ADAR: variants seen among roughly 807,000 people sequenced by gnomAD.
The protein encoded by ADAR is adenosine deaminase RNA specific.
Under a neutral mutation model 113.2 loss-of-function variants are expected in ADAR, and 41 were observed. The ratio of observed to expected loss-of-function variants is 0.36; its 90% CI spans 0.28 to 0.47. ADAR has a LOEUF of 0.47. Among genes scored for constraint, ADAR ranks in the 20% least tolerant of loss-of-function variants. ADAR has a pLI of 1.00. For missense variants in ADAR, 1,242 were observed against 1,540.9 expected (o/e 0.81, Z 3.25); for synonymous variants, 605 against 572.6 (o/e 1.06, Z -0.81).
chr1:154,589,402 T>A lies in ADAR; in HGVS notation c.2729A>T (p.His910Leu). Residue 910 changes from histidine (H) to leucine (L), a missense_variant, in exon 9 of 15, where the codon CAT becomes CTT. His to Leu is a moderately conservative substitution (Grantham distance 99, BLOSUM62 -3). This residue lies in a region of ADAR where 780 missense variants were observed against 1,057.9 expected (regional missense o/e 0.74). Coordinates refer to ENST00000368474, the MANE Select transcript of ADAR (RefSeq NM_001111.5). ...GCCTCTCCGGGAGATTATTTCTGCA[T>A]GGCAGTCATTGACAGTTTCTCCTTT... ...SLKGETVNDC[H>L]AEIISRRGFI... 6.2e-7 allele frequency: 1 copy of A among 1,614,224 alleles called. No individual in the cohort carries two copies. Among genetic ancestry groups the A allele is most frequent in the Non-Finnish European group, 8.5e-7 (1 of 1,180,024 alleles).
chr1:154,601,532 G>C lies in ADAR; in HGVS notation c.1110C>G (p.Asn370Lys), dbSNP rs1222101959. ...RERMQIKRNT[N>K]SVPETAPAAI... ...CAGCTGGAGCGGTTTCAGGAACACT[G>C]TTCGTATTTCTCTTGATTTGCATCC... Residue 370 changes from asparagine (N) to lysine (K), a missense_variant, in exon 2 of 15, where the codon AAC (asparagine) becomes AAG (lysine). Transcript: ENST00000368474. The surrounding 1 kb of genome is among the most constrained non-coding windows in gnomAD (Gnocchi z 4.7). 6.2e-7 allele frequency: 1 copy of C among 1,613,400 alleles called. No individual in the cohort carries two copies. The highest frequency in any genetic ancestry group is 1.1e-5 in the South Asian group (1 of 91,084).
At chr1:154,618,674 A>G (rs1475536065) in intron 1 of ADAR, among the ~76,000 whole-genome samples, 1 of 152,226 alleles carries the variant, frequency 6.6e-6, no homozygotes, top group Non-Finnish European at 1.5e-5. Context: ...GCAGTGAGAA[A>G]AAGCGTTATT....
intron 6 of ADAR, among the ~76,000 whole-genome samples, chr1:154,592,665 T>G (rs1452713724): frequency 6.6e-6 from 1 of 151,974 alleles, no homozygotes; most frequent in Non-Finnish European, 1.5e-5. Context: ...AGCCACTGGG[T>G]AGACAGTGGT....
In ADAR at chr1:154,589,744, G is replaced by A; in HGVS notation, c.2668+13C>T. ...GCGCCATGGGAGGCGGCATGTCTCA[G>A]AGCCTCACTCACCTGTTCCCAAGCT... is the stretch of plus-strand genomic sequence containing the variant. On this transcript the variant is annotated intron_variant, in intron 8 of 14. Transcript: ENST00000368474. 6.2e-7 allele frequency: 1 copy of A among 1,614,082 alleles called. No homozygotes were observed. The highest frequency in any genetic ancestry group is 8.5e-7 in the Non-Finnish European group (1 of 1,180,022).
rs886045339 is a variant in ADAR at position 154,588,224 on chromosome 1, T to C, written c.2920A>G (p.Lys974Glu). The change falls in exon 11 of 15, where the codon AAG (lysine) becomes GAG (glutamate). Residue 974 changes from lysine (K) to glutamate (E), a missense_variant. By Grantham distance (56) the Lys-to-Glu change is moderately conservative. Coordinates refer to ENST00000368474, the MANE Select transcript of ADAR (RefSeq NM_001111.5). ...TCCATAGCACGGTCGCTGCAGGACT[T>C]GTCAAAGAGGGCGCCATCTCCACAC... ...APCGDGALFD[K>E]SCSDRAMEST... The C allele has an allele frequency of 1.9e-6, 3 of 1,613,986 alleles. No individual in the cohort carries two copies. The highest frequency in any genetic ancestry group is 2.5e-6 in the Non-Finnish European group (3 of 1,180,026).
upstream of ADAR, among the ~76,000 whole-genome samples, chr1:154,610,654 C>G (rs762781779): frequency 2.2e-4 from 33 of 151,802 alleles, no homozygotes; most frequent in Non-Finnish European, 4.7e-4. Context: ...ACTAAAAGTA[C>G]AAAAAATTAG....
At chr1:154,621,749 G>A (rs1361257564) in intron 1 of ADAR, among the ~76,000 whole-genome samples, 1 of 152,186 alleles carries the variant, frequency 6.6e-6, no homozygotes, top group Non-Finnish European at 1.5e-5. Context: ...TAAGTACTCA[G>A]GCATTGCTGA....
At chr1:154,586,922 T>C (rs568335354) in intron 11 of ADAR, among the ~76,000 whole-genome samples, 2 of 152,040 alleles carry the variant, frequency 1.3e-5, no homozygotes, top group Non-Finnish European at 2.9e-5. Flanking sequence ...TGCTTGTATA[T>C]GCAGTGCAGT....
chr1:154,617,624 T>C (rs577029525), intron 1 of ADAR, among the ~76,000 whole-genome samples: 4 of 152,270 alleles, frequency 2.6e-5, no homozygotes, highest in Admixed American at 2.6e-4. Context: ...ACCATTACCA[T>C]TGTTATTTTC....
rs150322339 is a variant in ADAR at position 154,602,516 on chromosome 1, C to T, written c.126G>A (p.Lys42=). The change falls in exon 2 of 15, where the codon AAG becomes AAA. Residue 42 remains lysine, a synonymous_variant. Transcript: ENST00000368474. ...PGSSPSSFLL[K]QIEFLKGQLP... ...GCTGCCCCTTGAGAAATTCTATTTGCTTAAGCAGGAAACTACTGGGGGAAG... is the reference window on the plus strand; with the variant it reads ...GCTGCCCCTTGAGAAATTCTATTTGTTTAAGCAGGAAACTACTGGGGGAAG... 6.9e-5 allele frequency: 112 copies of T among 1,614,216 alleles called. No homozygotes were observed. Among genetic ancestry groups the T allele is most frequent in the African/African-American group, 6.3e-4 (47 of 75,074 alleles).
intron 8 of ADAR, 120 bp downstream of exon 8, chr1:154,589,637 G>A (rs1015424543): frequency 3.6e-5 from 48 of 1,327,036 alleles, no homozygotes; most frequent in Non-Finnish European, 5.0e-5. Context: ...TGAATTGACT[G>A]TAGCTAAAAT....
chr1:154,618,885 G>A (rs921702140), intron 1 of ADAR, among the ~76,000 whole-genome samples: 1 of 152,196 alleles, frequency 6.6e-6, no homozygotes, highest in African/African-American at 2.4e-5. Context: ...CGAGGCAGGT[G>A]GATCACCTGA....
At chr1:154,592,553 T>A (rs1180700840) in intron 6 of ADAR, among the ~76,000 whole-genome samples, 1 of 152,020 alleles carries the variant, frequency 6.6e-6, no homozygotes, top group African/African-American at 2.4e-5. Context: ...GAGGAAGGGA[T>A]TTGGGATAGA....
At chr1:154,589,975 T>G (rs1280413920) in intron 7 of ADAR, 47 bp from the exon 8 acceptor site, 1 of 1,609,368 alleles carries the variant, frequency 6.2e-7, no homozygotes, top group Non-Finnish European at 8.5e-7. Flanking sequence ...TGAGGCTGTG[T>G]CCACCATATT....
upstream of ADAR, among the ~76,000 whole-genome samples, chr1:154,610,881 G>C (rs569054315): frequency 1.9e-4 from 29 of 150,136 alleles, no homozygotes; most frequent in Admixed American, 3.3e-4. Context: ...AGAAAGGTGG[G>C]AGTTTTGACT....
intron 1 of ADAR, among the ~76,000 whole-genome samples, chr1:154,606,834 T>C (rs1166936602): frequency 6.6e-6 from 1 of 152,008 alleles, no homozygotes; most frequent in African/African-American, 2.4e-5. Flanking sequence ...CACTACCCCC[T>C]TTGCCTTTAC....
At chr1:154,616,801 T>C (rs1307129337) in intron 1 of ADAR, among the ~76,000 whole-genome samples, 1 of 152,230 alleles carries the variant, frequency 6.6e-6, no homozygotes, top group African/African-American at 2.4e-5. Context: ...GATAGATCTG[T>C]GTACCCAGAA....
rs1028621008 is a variant in ADAR at position 154,582,984 on chromosome 1, T to C, written c.*1822A>G. Reference sequence around the variant, plus strand: ...TTTTAGAACTTGCATTTTCTTACTTTGGTCAATTTTTGGTCAAAAGTACAG... The same window carrying C: ...TTTTAGAACTTGCATTTTCTTACTTCGGTCAATTTTTGGTCAAAAGTACAG... On this transcript the variant is annotated 3_prime_UTR_variant, in exon 15 of 15. Transcript: ENST00000368474. The C allele has an allele frequency of 1.3e-5, 2 of 152,250 alleles. No individual in the cohort carries two copies. Among genetic ancestry groups the C allele is most frequent in the Non-Finnish European group, 2.9e-5 (2 of 68,048 alleles). The allele number at this position is 152,250 out of a possible 1,614,324, so 9.4% of individuals were successfully genotyped here. A position where few individuals can be genotyped will look rare whatever the true frequency, so the allele number is the denominator to read the frequency against.
At chr1:154,608,833 G>C (rs569266284), upstream of ADAR, 3 of 151,000 alleles carry the variant, frequency 2.0e-5, no homozygotes, top group Non-Finnish European at 4.4e-5. Context: ...TGTGGAGGGG[G>C]GGGGGAGGGG....
Sources: allele counts gnomAD v4.1 joint callset (sites outside exome capture counted in the v4.1 genomes callset), GRCh38; gene constraint gnomAD v4.1.1; regional missense constraint gnomAD v4.1.1; non-coding constraint Gnocchi (gnomAD v3.1); transcripts MANE v1.5; gene names NCBI Gene and HGNC (gene_info 2026-07-23, HGNC 2026-07-21).